C13orf42: variants seen among roughly 807,000 people sequenced by gnomAD.
C13orf42 encodes chromosome 13 open reading frame 42.
chr13:51,149,625 C>A (rs1953764642), intron 1 of C13orf42, among the ~76,000 whole-genome samples: 1 of 152,158 alleles, frequency 6.6e-6, no homozygotes, highest in African/African-American at 2.4e-5. Context: ...CCACTCCAGC[C>A]CCCAGACACA....
intron 1 of C13orf42, among the ~76,000 whole-genome samples, chr13:51,166,204 T>C (rs1245254468): frequency 6.6e-6 from 1 of 152,168 alleles, no homozygotes; most frequent in Non-Finnish European, 1.5e-5. Context: ...CATGTAATTT[T>C]TTCCAAGTTC....
intron 1 of C13orf42, among the ~76,000 whole-genome samples, chr13:51,117,829 G>T (rs1431718072): frequency 6.6e-6 from 1 of 152,076 alleles, no homozygotes; most frequent in Non-Finnish European, 1.5e-5. Context: ...AGCTAATCCA[G>T]GGGAGATGTC....
chr13:51,143,744 C>A (rs1268007887), intron 1 of C13orf42, among the ~76,000 whole-genome samples: 1 of 152,108 alleles, frequency 6.6e-6, no homozygotes, highest in Non-Finnish European at 1.5e-5. Context: ...TGAATTATGT[C>A]TTTTTCTAAC....
At chr13:51,124,467 TTCA>T (rs1593543290) in intron 1 of C13orf42, among the ~76,000 whole-genome samples, 1 of 152,174 alleles carries the variant, frequency 6.6e-6, no homozygotes, top group East Asian at 1.9e-4. Flanking sequence ...TTTAGGTGCT[TTCA>T]GGTTGTGCTA....
intron 1 of C13orf42, among the ~76,000 whole-genome samples, chr13:51,106,524 C>T (rs912178161): frequency 6.6e-6 from 1 of 152,312 alleles, no homozygotes; most frequent in East Asian, 1.9e-4. Context: ...GCTTTCTCTT[C>T]GTCAGGAGCA....
chr13:51,113,953 C>A (rs540080353), upstream of C13orf42, among the ~76,000 whole-genome samples: 1 of 152,350 alleles, frequency 6.6e-6, no homozygotes, highest in Admixed American at 6.5e-5. Flanking sequence ...GGTGTCAGAG[C>A]CTTGAGGCTT....
At chr13:51,125,693 C>T (rs1953571506) in intron 1 of C13orf42, among the ~76,000 whole-genome samples, 1 of 152,228 alleles carries the variant, frequency 6.6e-6, no homozygotes, top group Non-Finnish European at 1.5e-5. Context: ...ACATCTACAG[C>T]ACCTAGGCTT....
intron 1 of C13orf42, among the ~76,000 whole-genome samples, chr13:51,154,342 T>C (rs1271952987): frequency 6.6e-6 from 1 of 152,230 alleles, no homozygotes; most frequent in Non-Finnish European, 1.5e-5. Context: ...CTGTTGGGTA[T>C]GTTTGGAAGT....
Position 51,091,540 on chromosome 13 carries a change from T to G in C13orf42, c.415-3465A>C, listed in dbSNP as rs182482579. Among the ~76,000 whole-genome samples the G allele has an allele frequency of 2.0e-5, 3 of 152,254 alleles. No individual in the cohort carries two copies. The East Asian group carries it at 5.8e-4, about 29-fold the overall frequency. ...CCCAGTCCTGAGAGTGATAATGCTA[T>G]CCCCCATCAGTGTCAGGGTGACTCT... On this transcript the variant is annotated intron_variant, in intron 1 of 3. Coordinates refer to ENST00000563710, the MANE Select transcript of C13orf42 (RefSeq NM_001351589.3).
intron 1 of C13orf42, among the ~76,000 whole-genome samples, chr13:51,148,550 G>A (rs1482747967): frequency 2.6e-5 from 4 of 152,214 alleles, no homozygotes; most frequent in South Asian, 2.1e-4. Flanking sequence ...GGAGGCTCAC[G>A]AAGGAAGAGC....
intron 1 of C13orf42, among the ~76,000 whole-genome samples, chr13:51,156,936 A>C (rs983093701): frequency 6.6e-6 from 1 of 152,240 alleles, no homozygotes; most frequent in East Asian, 1.9e-4. Flanking sequence ...CTCGTATTAC[A>C]TATCTTCACA....
intron 1 of C13orf42, among the ~76,000 whole-genome samples, chr13:51,150,940 C>CA (rs1222963143): frequency 2.0e-5 from 3 of 152,056 alleles, no homozygotes; most frequent in Non-Finnish European, 2.9e-5. Flanking sequence ...GAAATGCTAC[C>CA]AAAAAAATTG....
intron 1 of C13orf42, among the ~76,000 whole-genome samples, chr13:51,138,845 T>C (rs12876979): frequency 0.12 from 18,906 of 152,188 alleles, 1,289 homozygotes; most frequent in African/African-American, 0.16. Flanking sequence ...TAAATGTCCA[T>C]TGGCAGATAA....
chr13:51,161,922 C>G, intron 1 of C13orf42: 1 of 493,584 alleles, frequency 2.0e-6, no homozygotes, highest in South Asian at 1.5e-5. Flanking sequence ...GTAAAGGCAC[C>G]TGGCTGACCA....
At chr13:51,126,812 T>C (rs1161219192) in intron 1 of C13orf42, among the ~76,000 whole-genome samples, 1 of 152,194 alleles carries the variant, frequency 6.6e-6, no homozygotes, top group Non-Finnish European at 1.5e-5. Context: ...CACCTGATTA[T>C]TTCTGACAAA....
At chr13:51,093,452 C>A (rs1283111738) in intron 1 of C13orf42, among the ~76,000 whole-genome samples, 1 of 152,068 alleles carries the variant, frequency 6.6e-6, no homozygotes. Context: ...AAAGTGGCTA[C>A]CGTGATTGAG....
intron 1 of C13orf42, among the ~76,000 whole-genome samples, chr13:51,166,961 C>T (rs1953906963): frequency 6.6e-6 from 1 of 151,960 alleles, no homozygotes; most frequent in Non-Finnish European, 1.5e-5. Context: ...CACCTATAGT[C>T]CCAGCTACTC....
At chr13:51,166,037 T>C (rs1198118603) in intron 1 of C13orf42, among the ~76,000 whole-genome samples, 3 of 152,192 alleles carry the variant, frequency 2.0e-5, no homozygotes, top group Non-Finnish European at 4.4e-5. Context: ...TCCCATGTAA[T>C]TGATTCATTT....
At chr13:51,115,721 G>A (rs555417048), upstream of C13orf42, among the ~76,000 whole-genome samples, 19 of 152,328 alleles carry the variant, frequency 1.2e-4, 1 homozygote, top group South Asian at 3.9e-3. Flanking sequence ...CTGAGAAAAG[G>A]AAGAGATCAA....
Sources: allele counts gnomAD v4.1 joint callset (sites outside exome capture counted in the v4.1 genomes callset), GRCh38; gene constraint gnomAD v4.1.1; transcripts MANE v1.5; gene names NCBI Gene and HGNC (gene_info 2026-07-23, HGNC 2026-07-21).